CEP290: variants seen among roughly 807,000 people sequenced by gnomAD.
CEP290 encodes centrosomal protein of 290 kDa.
CEP290 carries 317 observed loss-of-function variants against 344.9 expected under a neutral mutation model. That is an observed-to-expected ratio of 0.92 (90% confidence interval 0.84 to 1.01). The LOEUF (loss-of-function observed/expected upper bound fraction) is 1.01, where lower values mean the gene tolerates loss of function less well. Among genes scored for constraint, CEP290 ranks in the 50% least tolerant of loss-of-function variants. The pLI, the probability that CEP290 is intolerant of heterozygous loss-of-function variation, is 0.00. For missense variants in CEP290, 2,754 were observed against 2,761.4 expected, an observed-to-expected ratio of 1.00 and a Z score of 0.06; for synonymous variants, 932 against 895.8, an observed-to-expected ratio of 1.04 and a Z score of -0.72.
At chr12:88,059,058 A>G (rs1454482253) in intron 48 of CEP290, 38 bp from the exon 49 acceptor site, 1 of 1,493,476 alleles carries the variant, frequency 6.7e-7, no homozygotes, top group Admixed American at 1.9e-5. Context: ...ATGAGAAAAC[A>G]TAATACTGTT....
rs2468248 is a variant in CEP290, at chr12:88,084,305, C to T, written c.4704+281G>A. ...TGATATATTTCATTCCACCCTATTG[C>T]CTCAATCCTCACCTATAAACTCAAT... is the stretch of plus-strand genomic sequence containing the variant. On this transcript the variant is annotated intron_variant, in intron 35 of 53. Transcript: ENST00000552810. Among the ~76,000 whole-genome samples the T allele has an allele frequency of 0.78, 118,731 of 152,068 alleles. 50,414 individuals are homozygous for T. The highest frequency in any genetic ancestry group is 0.96 in the East Asian group (4,988 of 5,170).
chr12:88,086,160 G>A lies in CEP290; in HGVS notation c.4316C>T (p.Thr1439Ile). ...LNAAQKFEEATGSIPDPSLPL... is the reference protein window; with the variant it reads ...LNAAQKFEEAIGSIPDPSLPL... Reference sequence around the variant, plus strand: ...CAAACTAGGGTCAGGGATTGATCCTGTAGCTTCTTCAAACTATTAAGAAAT... The same window carrying A: ...CAAACTAGGGTCAGGGATTGATCCTATAGCTTCTTCAAACTATTAAGAAAT... Residue 1439 changes from threonine (T) to isoleucine (I), a missense_variant, in exon 34 of 54, where the codon ACA (threonine) becomes ATA (isoleucine). Coordinates refer to ENST00000552810, the MANE Select transcript of CEP290 (RefSeq NM_025114.4). 1 of 1,610,624 alleles carries A rather than the reference G, an allele frequency of 6.2e-7. No individual in the cohort carries two copies. Among genetic ancestry groups the A allele is most frequent in the Non-Finnish European group, 8.5e-7 (1 of 1,179,260 alleles).
intron 5 of CEP290, among the ~76,000 whole-genome samples, chr12:88,137,895 T>C (rs571518706): frequency 6.6e-6 from 1 of 152,324 alleles, no homozygotes; most frequent in Admixed American, 6.5e-5. Flanking sequence ...CAAAATATCC[T>C]GCTCTCCATC....
intron 20 of CEP290, among the ~76,000 whole-genome samples, chr12:88,112,172 C>T (rs1014180243): frequency 1.3e-5 from 2 of 152,060 alleles, no homozygotes; most frequent in African/African-American, 4.8e-5. Flanking sequence ...CACTTAACAG[C>T]TGGGCAAGTG....
Position 88,068,637 on chromosome 12 carries a change from T to C in CEP290, c.6020A>G (p.Gln2007Arg). The C allele has an allele frequency of 6.3e-7, 1 of 1,596,396 alleles. No homozygotes were observed. The highest frequency in any genetic ancestry group is 8.5e-7 in the Non-Finnish European group (1 of 1,174,268). Residue 2007 changes from glutamine to arginine, a missense_variant, in exon 44 of 54, where the codon CAA (glutamine) becomes CGA (arginine). Coordinates refer to ENST00000552810, the MANE Select transcript of CEP290 (RefSeq NM_025114.4). ...TACAACAGAATCTCGAGGAAGAGCT[T>C]GGTGGGCCCTATGAACAACAATCAC... ...ENDILYMRAH[Q>R]ALPRDSVVED...
chr12:88,065,532 T>C (rs2471510), intron 44 of CEP290, among the ~76,000 whole-genome samples: 118,734 of 152,108 alleles, frequency 0.78, 50,415 homozygotes, highest in East Asian at 0.96. Context: ...AGTGAAGGCA[T>C]TAGACAGGAT....
Position 88,139,170 on chromosome 12 carries a change from A to C in CEP290, c.272T>G (p.Val91Gly). The change falls in exon 5 of 54, where the codon GTA becomes GGA. Residue 91 changes from valine to glycine, a missense_variant. Val to Gly is a moderately radical substitution (Grantham distance 109, BLOSUM62 -3). Coordinates refer to ENST00000552810, the MANE Select transcript of CEP290 (RefSeq NM_025114.4). ...AKFENQLKTK[V>G]MKLENELEMA... Reference sequence around the variant, plus strand: ...CTCCAGTTCATTTTCCAGTTTCATTACTTTAGTTTTTAATTGATTTTCTAT... The same window carrying C: ...CTCCAGTTCATTTTCCAGTTTCATTCCTTTAGTTTTTAATTGATTTTCTAT... 1 of 1,205,296 alleles carries C rather than the reference A, an allele frequency of 8.3e-7. No homozygotes were observed. The allele number at this position is 1,205,296 out of a possible 1,614,324, so 74.7% of individuals were successfully genotyped here. A position where few individuals can be genotyped will look rare whatever the true frequency, so the allele number is the denominator to read the frequency against.
intron 45 of CEP290, among the ~76,000 whole-genome samples, chr12:88,063,600 C>T (rs1347905159): frequency 3.3e-5 from 5 of 151,976 alleles, no homozygotes; most frequent in Admixed American, 3.3e-4. Flanking sequence ...GAAGACCTCC[C>T]TTACTACTCT....
chr12:88,076,745 G>C (rs2035806795), intron 41 of CEP290, among the ~76,000 whole-genome samples: 1 of 152,028 alleles, frequency 6.6e-6, no homozygotes, highest in African/African-American at 2.4e-5. Flanking sequence ...AAATACTGAA[G>C]ATATTCCAAA....
rs754608103 is a variant in CEP290 at position 88,079,254 on chromosome 12, G to T, written c.5227-25C>A. The T allele has an allele frequency of 2.6e-6, 4 of 1,542,032 alleles. No individual in the cohort carries two copies. In the South Asian group the frequency reaches 3.9e-5, roughly 15 times the overall value. The stretch of plus-strand genomic sequence containing the variant: ...CCTAAAAATTAACCAAAAAAAAAAT[G>T]TAATTTTTAAAGGAAAACTGACATT... On this transcript the variant is annotated intron_variant, in intron 38 of 53. Coordinates refer to ENST00000552810, the MANE Select transcript of CEP290 (RefSeq NM_025114.4).
chr12:88,126,693 A>G (rs1048964076), intron 11 of CEP290, among the ~76,000 whole-genome samples: 20 of 152,092 alleles, frequency 1.3e-4, no homozygotes, highest in Non-Finnish European at 2.6e-4. Context: ...AAATATTTCA[A>G]CCTTTCAAAA....
rs774144082 is a variant in CEP290 at position 88,089,270 on chromosome 12, C to T, written c.3791G>A (p.Arg1264His). The T allele has an allele frequency of 3.1e-5, 50 of 1,613,788 alleles. No homozygotes were observed. Among genetic ancestry groups the T allele is most frequent in the Non-Finnish European group, 3.6e-5 (43 of 1,179,872 alleles). ...TCGTCGTAGAGACTGAATTGTTTGG[C>T]GCAGATGTTTTGCTCTGTTTCTTCC... ...LEGRNRAKHL[R>H]QTIQSLRRQF... Residue 1264 changes from arginine (R) to histidine (H), a missense_variant, in exon 31 of 54, where the codon CGC becomes CAC. Physicochemically the swap from Arg to His is conservative, Grantham distance 29. Coordinates refer to ENST00000552810, the MANE Select transcript of CEP290 (RefSeq NM_025114.4).
chr12:88,133,116 C>G (rs996506348), intron 6 of CEP290, among the ~76,000 whole-genome samples: 5 of 139,558 alleles, frequency 3.6e-5, no homozygotes, highest in African/African-American at 1.1e-4. Context: ...AGTTTTGTTG[C>G]TAAGGCTAGA....
Position 88,093,833 on chromosome 12 carries a change from G to A in CEP290, c.3246C>T (p.His1082=), listed in dbSNP as rs539042966. The change falls in exon 28 of 54, where the codon CAC becomes CAT. Residue 1082 remains histidine, a synonymous_variant. Coordinates refer to ENST00000552810, the MANE Select transcript of CEP290 (RefSeq NM_025114.4). ...RAEHCQKMYE[H]LRTSLKQMEE... ...CCATTTGCTTTAACGAAGTCCGTAA[G>A]TGTTCATACATTTTTTGACAATGTT... is the stretch of plus-strand genomic sequence containing the variant. 1.9e-5 allele frequency: 31 copies of A among 1,612,758 alleles called. No homozygotes were observed. In the East Asian group the frequency reaches 5.8e-4, roughly 30 times the overall value.
intron 27 of CEP290, among the ~76,000 whole-genome samples, chr12:88,095,309 T>C (rs1056974075): frequency 5.9e-5 from 9 of 151,934 alleles, no homozygotes; most frequent in African/African-American, 2.2e-4. Flanking sequence ...CACTAACAAA[T>C]TCCTAGATGA....
At chr12:88,058,649 G>C in intron 49 of CEP290, 199 bp downstream of exon 49, 1 of 618,168 alleles carries the variant, frequency 1.6e-6, no homozygotes, top group Middle Eastern at 4.1e-4. Flanking sequence ...ACCCAAACAA[G>C]GTTAAACAAG....
At chr12:88,049,608 C>G (rs1351547015) in intron 53 of CEP290, 194 bp from the exon 54 acceptor site, 1 of 460,848 alleles carries the variant, frequency 2.2e-6, no homozygotes, top group Admixed American at 4.2e-5. Flanking sequence ...ACTGTCAAGT[C>G]CAGTTATGTA....
intron 5 of CEP290, among the ~76,000 whole-genome samples, chr12:88,137,789 G>C (rs1317503951): frequency 6.6e-6 from 1 of 152,132 alleles, no homozygotes; most frequent in Non-Finnish European, 1.5e-5. Flanking sequence ...GTCAGAAGAA[G>C]GTGTTGGTGC....
intron 13 of CEP290, among the ~76,000 whole-genome samples, chr12:88,123,598 C>T (rs1257144490): frequency 6.6e-6 from 1 of 152,068 alleles, no homozygotes; most frequent in Non-Finnish European, 1.5e-5. Flanking sequence ...CCTTTGGTAG[C>T]TCCTTTTTAT....
Sources: gnomAD v4.1 joint callset for allele counts (sites outside exome capture counted in the v4.1 genomes callset) on GRCh38, gnomAD v4.1.1 for gene constraint, MANE v1.5 for transcripts, NCBI Gene and HGNC (gene_info 2026-07-23, HGNC 2026-07-21) for gene names.